SMG6: variants seen among roughly 807,000 people sequenced by gnomAD.
The protein encoded by SMG6 is SMG6 nonsense mediated mRNA decay factor.
A neutral mutation model predicts 142.2 loss-of-function variants in SMG6; 66 were observed. That is an observed-to-expected ratio of 0.46 (90% confidence interval 0.38 to 0.57). The LOEUF is 0.57. Ranked by LOEUF, SMG6 falls within the 20% of genes least tolerant of loss-of-function variation. The pLI is 0.00. For missense variants in SMG6, 1,793 were observed against 1,832.0 expected, an observed-to-expected ratio of 0.98 and a Z score of 0.39; for synonymous variants, 779 against 702.4, an observed-to-expected ratio of 1.11 and a Z score of -1.72.
intron 8 of SMG6, among the ~76,000 whole-genome samples, chr17:2,272,311 C>G (rs1170546140): frequency 6.6e-6 from 1 of 152,196 alleles, no homozygotes; most frequent in Non-Finnish European, 1.5e-5. Context: ...AGGAAGCCTT[C>G]TGAATTCACT....
chr17:2,120,358 C>T (rs79081649), intron 13 of SMG6, among the ~76,000 whole-genome samples: 1 of 152,052 alleles, frequency 6.6e-6, no homozygotes, highest in Non-Finnish European at 1.5e-5. Context: ...GAAAATAACT[C>T]AAGAAAATGG....
chr17:2,156,899 C>T (rs1009020920), intron 13 of SMG6, among the ~76,000 whole-genome samples: 11 of 152,312 alleles, frequency 7.2e-5, no homozygotes, highest in South Asian at 2.1e-4. Context: ...GCGATCCTCC[C>T]GCTTTAGCTT....
At position 2,220,490 on chromosome 17, in the gene SMG6, C is replaced by T. The variant is rs889092997; in HGVS notation, c.2869+16002G>A. 3.3e-5 allele frequency among the ~76,000 whole-genome samples: 5 copies of T among 152,162 alleles called. No individual in the cohort carries two copies. In the South Asian group the frequency reaches 6.2e-4, roughly 19 times the overall value. On this transcript the variant is annotated intron_variant, in intron 10 of 18. Transcript: ENST00000263073. ...CACAAAAAATAAAAAATTAGCTGAG[C>T]GTAGTGGCATGCGCTTGTAGTCCCA...
At chr17:2,178,052 A>G (rs530469620) in intron 12 of SMG6, among the ~76,000 whole-genome samples, 6 of 152,204 alleles carry the variant, frequency 3.9e-5, no homozygotes, top group African/African-American at 1.2e-4. Flanking sequence ...CTTGAATCCA[A>G]TAAGTGTGGC....
rs2068542293 is a variant in SMG6 at position 2,085,707 on chromosome 17, G to A, written c.3534+18C>T. 1.9e-6 allele frequency: 3 copies of A among 1,598,304 alleles called. No homozygotes were observed. The African/African-American group carries it at 4.1e-5, about 22-fold the overall frequency. On this transcript the variant is annotated intron_variant, in intron 14 of 18. Transcript: ENST00000263073. The surrounding 1 kb of genome is among the most constrained non-coding windows in gnomAD (Gnocchi z 4.1). Reference sequence around the variant, plus strand: ...GGGGGCCTTCCCTCTGCCACAGCGGGCTCTTCCCGCATAGTACCTCATCTT... The same window carrying A: ...GGGGGCCTTCCCTCTGCCACAGCGGACTCTTCCCGCATAGTACCTCATCTT...
intron 8 of SMG6, among the ~76,000 whole-genome samples, chr17:2,248,942 A>G (rs1401301678): frequency 3.3e-5 from 5 of 151,642 alleles, no homozygotes; most frequent in Non-Finnish European, 7.4e-5. Flanking sequence ...GCTGGAGTGC[A>G]GTGGCGCTAT....
At chr17:2,187,308 C>A (rs879799057) in intron 11 of SMG6, among the ~76,000 whole-genome samples, 1 of 152,154 alleles carries the variant, frequency 6.6e-6, no homozygotes, top group Admixed American at 6.5e-5. Flanking sequence ...TAAAGAGACA[C>A]GATGATATCT....
chr17:2,101,622 G>C (rs1009671094), intron 13 of SMG6: 1 of 152,144 alleles, frequency 6.6e-6, no homozygotes, highest in Admixed American at 6.5e-5. Context: ...TCGGCCTTCC[G>C]GGACGTAATA....
At chr17:2,217,806 C>T (rs781552005) in intron 10 of SMG6, among the ~76,000 whole-genome samples, 15 of 151,790 alleles carry the variant, frequency 9.9e-5, no homozygotes, top group Admixed American at 2.0e-4. Flanking sequence ...GTCAGGAGAT[C>T]GAGACGATCC....
intron 13 of SMG6, among the ~76,000 whole-genome samples, chr17:2,131,097 T>G (rs977853756): frequency 3.9e-5 from 6 of 152,214 alleles, no homozygotes; most frequent in African/African-American, 1.4e-4. Flanking sequence ...TTAAAACAAT[T>G]GATTTTTATA....
intron 13 of SMG6, among the ~76,000 whole-genome samples, chr17:2,164,424 G>C (rs573161523): frequency 2.0e-5 from 3 of 151,880 alleles, no homozygotes; most frequent in Non-Finnish European, 2.9e-5. Context: ...CGCTGTCTCA[G>C]AAAACAACAA....
chr17:2,068,696 C>T lies in SMG6; in HGVS notation c.3835+82G>A. ...CACACGCACAGCAGGGCTCTGCCTG[C>T]CTGGCCCCCAGGCCGTGGGGCGTGT... On this transcript the variant is annotated intron_variant, in intron 16 of 18. Coordinates refer to ENST00000263073, the MANE Select transcript of SMG6 (RefSeq NM_017575.5). The surrounding 1 kb of genome is among the most constrained non-coding windows in gnomAD (Gnocchi z 6.7). 2 of 1,452,244 alleles carry T rather than the reference C, an allele frequency of 1.4e-6. No individual in the cohort carries two copies. Among genetic ancestry groups the T allele is most frequent in the Non-Finnish European group, 9.4e-7 (1 of 1,065,082 alleles). 90.0% of individuals were successfully genotyped at this position (1,452,244 alleles called of 1,614,324 possible).
At chr17:2,266,943 T>C (rs993219863) in intron 8 of SMG6, among the ~76,000 whole-genome samples, 2 of 152,200 alleles carry the variant, frequency 1.3e-5, no homozygotes, top group African/African-American at 2.4e-5. Flanking sequence ...CTGACCTTCT[T>C]TGAGGATCCC....
chr17:2,207,423 C>G (rs140533058), intron 10 of SMG6, among the ~76,000 whole-genome samples: 1 of 152,118 alleles, frequency 6.6e-6, no homozygotes, highest in Non-Finnish European at 1.5e-5. Context: ...ACATTCTGTA[C>G]ATGACACCTC....
At chr17:2,140,358 G>C (rs576909240) in intron 13 of SMG6, among the ~76,000 whole-genome samples, 1 of 152,332 alleles carries the variant, frequency 6.6e-6, no homozygotes, top group African/African-American at 2.4e-5. Flanking sequence ...CACCTGGCCT[G>C]ACACTTTATT....
intron 15 of SMG6, among the ~76,000 whole-genome samples, chr17:2,075,545 A>G (rs998669145): frequency 1.3e-5 from 2 of 152,214 alleles, no homozygotes; most frequent in South Asian, 4.1e-4. Context: ...GGGGATTCAC[A>G]GGGCCAGGGC....
intron 13 of SMG6, among the ~76,000 whole-genome samples, chr17:2,110,508 C>A (rs534453105): frequency 4.1e-4 from 62 of 152,192 alleles, no homozygotes; most frequent in African/African-American, 1.3e-3. Context: ...TAAAGATAAT[C>A]AACATCATTT....
intron 13 of SMG6, among the ~76,000 whole-genome samples, chr17:2,114,253 G>C (rs931551352): frequency 2.0e-5 from 3 of 152,106 alleles, no homozygotes; most frequent in Admixed American, 6.5e-5. Context: ...CTGGGTGACA[G>C]AGTGGGACTC....
At chr17:2,249,257 C>T (rs1296837889) in intron 8 of SMG6, among the ~76,000 whole-genome samples, 1 of 151,894 alleles carries the variant, frequency 6.6e-6, no homozygotes, top group Non-Finnish European at 1.5e-5. Flanking sequence ...CTTCCTAACA[C>T]ATCAGCATGG....
Sources: gnomAD v4.1 joint callset for allele counts (sites outside exome capture counted in the v4.1 genomes callset) on GRCh38, gnomAD v4.1.1 for gene constraint, Gnocchi (gnomAD v3.1) non-coding constraint, MANE v1.5 for transcripts, NCBI Gene and HGNC (gene_info 2026-07-23, HGNC 2026-07-21) for gene names.